The following SBNO1 variants were observed in gnomAD, a reference collection of about 807,000 sequenced individuals.
SBNO1 encodes protein strawberry notch homolog 1.
In SBNO1, 23 loss-of-function variants were observed where a neutral mutation model predicts 173.6. That is an observed-to-expected ratio of 0.13 (90% CI 0.10 to 0.19). SBNO1 has a LOEUF of 0.19. Among genes scored for constraint, SBNO1 ranks in the 10% least tolerant of loss-of-function variants. The probability of loss-of-function intolerance (pLI) is 1.00; values close to 1 mark genes in which losing one functional copy is unlikely to be tolerated. For synonymous variants in SBNO1, 632 were observed against 571.5 expected (o/e 1.11, Z -1.51); for missense variants, 1,238 against 1,671.2 (o/e 0.74, Z 4.52).
At chr12:123,333,083 C>T (rs1871405530) in intron 7 of SBNO1, among the ~76,000 whole-genome samples, 1 of 151,704 alleles carries the variant, frequency 6.6e-6, no homozygotes, top group African/African-American at 2.4e-5. Context: ...AAGATCGCAC[C>T]ATTGCACTCC....
intron 5 of SBNO1, among the ~76,000 whole-genome samples, chr12:123,337,772 T>C (rs571841140): frequency 2.0e-5 from 3 of 152,302 alleles, no homozygotes; most frequent in Non-Finnish European, 2.9e-5. Context: ...TTACCTAAAT[T>C]CTGGGTCCTC....
chr12:123,327,969 G>A lies in SBNO1; in HGVS notation c.1355C>T (p.Pro452Leu). Residue 452 changes from proline to leucine, a missense_variant, in exon 11 of 32, where the codon CCA (proline) becomes CTA (leucine). By Grantham distance (98) the Pro-to-Leu change is moderately conservative (BLOSUM62 -3). Around this residue, in one of 14 missense-constraint regions of SBNO1, gnomAD observed 182 missense variants for 339.9 expected, o/e 0.54. Coordinates refer to ENST00000602398, the MANE Select transcript of SBNO1 (RefSeq NM_001167856.3). ...TAAAACTGCTAAGCCTGTCTTGGTT[G>A]GCTTTGAAGAACCAACAGGACATAA... Reference protein sequence around the residue: ...KNLCPVGSSKPTKTGLAVLEL... With the variant: ...KNLCPVGSSKLTKTGLAVLEL... 6.2e-7 allele frequency: 1 copy of A among 1,613,262 alleles called. No homozygotes were observed. The highest frequency in any genetic ancestry group is 8.5e-7 in the Non-Finnish European group (1 of 1,179,506).
At chr12:123,299,184 C>T (rs1276443544) in intron 30 of SBNO1, among the ~76,000 whole-genome samples, 2 of 151,848 alleles carry the variant, frequency 1.3e-5, no homozygotes, top group South Asian at 2.1e-4. Context: ...CTGGCTAACA[C>T]GGTGAAACCC....
At chr12:123,329,212 C>T (rs1252216035) in intron 9 of SBNO1, among the ~76,000 whole-genome samples, 3 of 151,978 alleles carry the variant, frequency 2.0e-5, no homozygotes, top group Non-Finnish European at 4.4e-5. Context: ...GAAACCCCAT[C>T]CCTACAAAAA....
At chr12:123,338,972 G>A (rs1328510740) in intron 5 of SBNO1, among the ~76,000 whole-genome samples, 1 of 143,378 alleles carries the variant, frequency 7.0e-6, no homozygotes, top group Non-Finnish European at 1.5e-5. Context: ...GTCTCTCTGA[G>A]ATGTTACTTA....
rs1165105686 is a variant in SBNO1, at chr12:123,320,065, T to C, written c.2668-34A>G. On this transcript the variant is annotated intron_variant, in intron 19 of 31. Coordinates refer to ENST00000602398, the MANE Select transcript of SBNO1 (RefSeq NM_001167856.3). ...CCAAACAATGTCATTACAATGAAGG[T>C]ATCTGACTGCGGTGGATGGACTCAG... 2.5e-6 allele frequency: 4 copies of C among 1,612,568 alleles called. No homozygotes were observed. In the African/African-American group the frequency reaches 5.3e-5, roughly 22 times the overall value.
At chr12:123,363,317 T>C (rs1411690971) in intron 1 of SBNO1, among the ~76,000 whole-genome samples, 2 of 152,194 alleles carry the variant, frequency 1.3e-5, no homozygotes, top group Non-Finnish European at 2.9e-5. Context: ...ATGATAGCTT[T>C]CCCTACGCTT....
rs1401794848 is a variant in SBNO1 at position 123,312,769 on chromosome 12, C to T, written c.3220+851G>A. On this transcript the variant is annotated intron_variant, in intron 24 of 31. Transcript: ENST00000602398. ...AAAGAAAAAAGGCTAAGCTATGAGC[C>T]ACATGTATCCATCACCCAGTTTAAA... is the stretch of plus-strand genomic sequence containing the variant. Among the ~76,000 whole-genome samples, 4 of 151,918 alleles carry T rather than the reference C, an allele frequency of 2.6e-5. No homozygotes were observed. In the East Asian group the frequency reaches 5.8e-4, roughly 22 times the overall value.
intron 21 of SBNO1, among the ~76,000 whole-genome samples, chr12:123,316,350 G>A (rs1294284128): frequency 6.6e-6 from 1 of 151,816 alleles, no homozygotes; most frequent in African/African-American, 2.4e-5. Context: ...TCTGCCTCCT[G>A]AGTAGCCAGG....
rs1213579935 is a variant in SBNO1, at chr12:123,292,471, A to C, written c.*3437T>G. Reference sequence around the variant, plus strand: ...GAGGGAAGAAGGCTCCCATTCTACAATTATAAATGCTGTCCTGGTAGCCTT... The same window carrying C: ...GAGGGAAGAAGGCTCCCATTCTACACTTATAAATGCTGTCCTGGTAGCCTT... On this transcript the variant is annotated 3_prime_UTR_variant, in exon 32 of 32. Coordinates refer to ENST00000602398, the MANE Select transcript of SBNO1 (RefSeq NM_001167856.3). 6.6e-6 allele frequency: 1 copy of C among 152,166 alleles called. No homozygotes were observed. The highest frequency in any genetic ancestry group is 1.5e-5 in the Non-Finnish European group (1 of 68,030). The allele number at this position is 152,166 out of a possible 1,614,324, so 9.4% of individuals were successfully genotyped here.
At chr12:123,332,140 C>A (rs1028539545) in intron 7 of SBNO1, among the ~76,000 whole-genome samples, 7 of 152,072 alleles carry the variant, frequency 4.6e-5, no homozygotes, top group African/African-American at 1.4e-4. Flanking sequence ...CGAGTCACCG[C>A]GCCCAGCTCA....
At chr12:123,307,927 C>T (rs1593334373) in intron 28 of SBNO1, among the ~76,000 whole-genome samples, 2 of 152,092 alleles carry the variant, frequency 1.3e-5, no homozygotes, top group African/African-American at 4.8e-5. Context: ...AGAAATTTAG[C>T]CAGGCGTGGT....
intron 1 of SBNO1, among the ~76,000 whole-genome samples, chr12:123,355,377 C>T (rs979541391): frequency 6.6e-6 from 1 of 151,920 alleles, no homozygotes; most frequent in South Asian, 2.1e-4. Flanking sequence ...ACGCTGGGCA[C>T]GGTGGCTCCC....
chr12:123,355,387 CCT>C (rs964871007), intron 1 of SBNO1, among the ~76,000 whole-genome samples: 2 of 152,002 alleles, frequency 1.3e-5, no homozygotes, highest in African/African-American at 2.4e-5. Context: ...CGGTGGCTCC[CCT>C]GAGGTCACAA....
At chr12:123,351,856 A>T (rs1324834532) in intron 1 of SBNO1, among the ~76,000 whole-genome samples, 2 of 152,202 alleles carry the variant, frequency 1.3e-5, no homozygotes, top group Non-Finnish European at 2.9e-5. Flanking sequence ...AAGCGAGAAT[A>T]TGAAGCACGT....
intron 16 of SBNO1, among the ~76,000 whole-genome samples, chr12:123,322,716 G>C (rs899450580): frequency 6.7e-6 from 1 of 148,566 alleles, no homozygotes; most frequent in Non-Finnish European, 1.5e-5. Context: ...GACCAGCCTG[G>C]CCAACATGGT....
At position 123,304,728 on chromosome 12, in the gene SBNO1, A is replaced by C; in HGVS notation, c.3631-9T>G. 6.9e-7 allele frequency: 1 copy of C among 1,454,200 alleles called. No homozygotes were observed. The allele number at this position is 1,454,200 out of a possible 1,614,324, so 90.1% of individuals were successfully genotyped here. A position where few individuals can be genotyped will look rare whatever the true frequency, so the allele number is the denominator to read the frequency against. On this transcript the variant is annotated splice_polypyrimidine_tract_variant and intron_variant, in intron 28 of 31. Transcript: ENST00000602398. ...TTCTTGTTGTTCCTTATCTGTTTAAAGAAAATGACAAAATATAAAGATTTT... is the reference window on the plus strand; with the variant it reads ...TTCTTGTTGTTCCTTATCTGTTTAACGAAAATGACAAAATATAAAGATTTT...
chr12:123,328,840 A>G lies in SBNO1; in HGVS notation c.1190T>C (p.Ile397Thr), dbSNP rs1870864648. 1.2e-6 allele frequency: 2 copies of G among 1,608,278 alleles called. No individual in the cohort carries two copies. The highest frequency in any genetic ancestry group is 8.5e-7 in the Non-Finnish European group (1 of 1,175,926). The change falls in exon 10 of 32, where the codon ATT becomes ACT. Residue 397 changes from isoleucine (I) to threonine (T), a missense_variant. Ile to Thr is a moderately conservative substitution (Grantham distance 89). Around this residue, in one of 14 missense-constraint regions of SBNO1, gnomAD observed 182 missense variants for 339.9 expected, o/e 0.54. Transcript: ENST00000602398. Reference sequence around the variant, plus strand: ...AATAAGTGAAGAGTAAGTAGCAAAAATAACACCCTTTTTCACACTCCCATT... The same window carrying G: ...AATAAGTGAAGAGTAAGTAGCAAAAGTAACACCCTTTTTCACACTCCCATT... ...KHNGSVKKGV[I>T]FATYSSLIGE... is the part of the protein sequence containing the mutation.
rs200137084 is a variant in SBNO1, at chr12:123,328,912, A to T, written c.1135-17T>A. The stretch of plus-strand genomic sequence containing the variant: ...GTATTTAAACTAAAAAAGAAAAGAA[A>T]AGAATTTAGTTAATTAGTATACCTT... On this transcript the variant is annotated splice_polypyrimidine_tract_variant and intron_variant, in intron 9 of 31. Transcript: ENST00000602398. 5 of 1,439,392 alleles carry T rather than the reference A, an allele frequency of 3.5e-6. No individual in the cohort carries two copies. In the Admixed American group the frequency reaches 5.9e-5, roughly 17 times the overall value. The allele number at this position is 1,439,392 out of a possible 1,614,324, so 89.2% of individuals were successfully genotyped here. A position where few individuals can be genotyped will look rare whatever the true frequency, so the allele number is the denominator to read the frequency against.
Sources: allele counts gnomAD v4.1 joint callset (sites outside exome capture counted in the v4.1 genomes callset), GRCh38; gene constraint gnomAD v4.1.1; regional missense constraint gnomAD v4.1.1; transcripts MANE v1.5; gene names NCBI Gene and HGNC (gene_info 2026-07-23, HGNC 2026-07-21).